IQCK: variants seen among roughly 807,000 people sequenced by gnomAD.
IQCK encodes the protein IQ domain-containing protein K.
IQCK carries 29 observed loss-of-function variants against 28.1 expected under a neutral mutation model. The observed-to-expected ratio is 1.03, with a 90% CI of 0.77 to 1.41. IQCK has a LOEUF of 1.41. IQCK is among the 40% of genes most tolerant of loss of function. IQCK has a pLI of 0.00. For missense variants in IQCK, 359 were observed against 314.7 expected (o/e 1.14, Z -1.07); for synonymous variants, 113 against 115.1 (o/e 0.98, Z 0.12).
chr16:19,727,651 G>A (rs1037576589), intron 1 of IQCK, among the ~76,000 whole-genome samples: 16 of 151,388 alleles, frequency 1.1e-4, no homozygotes, highest in African/African-American at 3.6e-4. Flanking sequence ...TTGTAGGGTT[G>A]CAATAGGATT....
At chr16:19,856,648 C>T in exon 10 of IQCK, 1 of 935,816 alleles carries the variant, frequency 1.1e-6, no homozygotes, top group Non-Finnish European at 1.7e-6. Context: ...TTTAACAAGA[C>T]TTGGAACATG....
chr16:19,760,021 C>G (rs1296380384), intron 4 of IQCK, among the ~76,000 whole-genome samples: 1 of 152,008 alleles, frequency 6.6e-6, no homozygotes, highest in Non-Finnish European at 1.5e-5. Flanking sequence ...CCCAGCTACT[C>G]AAGAGGCTGA....
chr16:19,789,429 A>C (rs1226291647), intron 7 of IQCK, among the ~76,000 whole-genome samples: 2 of 88,548 alleles, frequency 2.3e-5, no homozygotes, highest in African/African-American at 1.5e-4. Flanking sequence ...AAAAAAAAAA[A>C]AAAAAAACAC....
intron 9 of IQCK, among the ~76,000 whole-genome samples, chr16:19,838,562 G>T (rs923906574): frequency 6.6e-6 from 1 of 152,100 alleles, no homozygotes; most frequent in African/African-American, 2.4e-5. Flanking sequence ...GTCAAGCTGG[G>T]GCCCGGCCTA....
chr16:19,812,185 C>T (rs1461634902), intron 7 of IQCK, among the ~76,000 whole-genome samples: 1 of 152,114 alleles, frequency 6.6e-6, no homozygotes, highest in South Asian at 2.1e-4. Flanking sequence ...TGGAGTTTCA[C>T]CATGTTGGCC....
chr16:19,780,101 G>T lies in IQCK; in HGVS notation c.606-8737G>T, dbSNP rs143174581. Among the ~76,000 whole-genome samples, 710 of 151,130 alleles carry T rather than the reference G, an allele frequency of 4.7e-3. 5 individuals carry two copies. The highest frequency in any genetic ancestry group is 0.017 in the African/African-American group (693 of 40,980). On this transcript the variant is annotated intron_variant, in intron 6 of 7. Transcript: ENST00000564186. ...TCTGTCATCCAGCTGGAGTGCAGTG[G>T]TGCGCTCTCAGCTCACAGCAACTTC... is the stretch of plus-strand genomic sequence containing the variant.
At chr16:19,752,025 T>C (rs1433299718) in intron 4 of IQCK, among the ~76,000 whole-genome samples, 1 of 152,212 alleles carries the variant, frequency 6.6e-6, no homozygotes. Context: ...GACTGAAGTC[T>C]AGTTAAAAGG....
At chr16:19,822,072 A>C (rs569730597) in intron 7 of IQCK, among the ~76,000 whole-genome samples, 72 of 146,900 alleles carry the variant, frequency 4.9e-4, no homozygotes, top group Admixed American at 8.2e-4. Context: ...TGTCTCAAAA[A>C]AAAAAAAAAA....
Position 19,763,819 on chromosome 16 carries a change from T to C in IQCK, c.475-29T>C, listed in dbSNP as rs966280024. 7 of 1,562,422 alleles carry C rather than the reference T, an allele frequency of 4.5e-6. No homozygotes were observed. In the African/African-American group the frequency reaches 8.1e-5, roughly 18 times the overall value. On this transcript the variant is annotated intron_variant, in intron 4 of 7. Transcript: ENST00000564186. ...AAATCCATAGTGTTTAAGGGTCAGT[T>C]GTAATTTAATTATCTCTTCTCTCTT...
At chr16:19,858,334 G>C in exon 10 of IQCK, 1 of 443,446 alleles carries the variant, frequency 2.3e-6, no homozygotes. Context: ...GGGGGAAAAA[G>C]GTCTCATTAA....
rs1413687862 is a variant in IQCK, at chr16:19,825,720, T to C, written c.691-1306T>C. On this transcript the variant is annotated intron_variant, in intron 7 of 7. Transcript: ENST00000564186. This position sits in a 1 kb window ranked among gnomAD's most constrained non-coding sequence, Gnocchi z 4.2. Reference sequence around the variant, plus strand: ...CTTCAAACCATGCCTGGGAGATAAATGCTCAATAAATATGAGCTATAATAA... The same window carrying C: ...CTTCAAACCATGCCTGGGAGATAAACGCTCAATAAATATGAGCTATAATAA... Among the ~76,000 whole-genome samples the C allele has an allele frequency of 6.6e-6, 1 of 152,192 alleles. No homozygotes were observed. The highest frequency in any genetic ancestry group is 2.4e-5 in the African/African-American group (1 of 41,462).
At chr16:19,844,810 T>G (rs561865172) in intron 9 of IQCK, among the ~76,000 whole-genome samples, 2 of 152,176 alleles carry the variant, frequency 1.3e-5, no homozygotes, top group South Asian at 4.2e-4. Flanking sequence ...TTTTTTGTTT[T>G]GTTTTGTTTT....
intron 7 of IQCK, among the ~76,000 whole-genome samples, chr16:19,812,037 G>C (rs2055914135): frequency 6.8e-6 from 1 of 145,994 alleles, no homozygotes; most frequent in African/African-American, 2.6e-5. Flanking sequence ...GCCCAGACTA[G>C]AGTACAGTGG....
At chr16:19,727,593 C>G (rs971254637) in intron 1 of IQCK, among the ~76,000 whole-genome samples, 14 of 150,522 alleles carry the variant, frequency 9.3e-5, no homozygotes, top group East Asian at 7.8e-4. Flanking sequence ...TCACCCCCCC[C>G]CCCCAAAAAA....
chr16:19,751,033 C>CT (rs1271809761), intron 4 of IQCK, among the ~76,000 whole-genome samples: 2 of 152,114 alleles, frequency 1.3e-5, no homozygotes, highest in East Asian at 3.9e-4. Context: ...TCCTTCAGCT[C>CT]TGCTAGCTCT....
chr16:19,778,630 C>G (rs2055430952), intron 6 of IQCK, among the ~76,000 whole-genome samples: 1 of 151,658 alleles, frequency 6.6e-6, no homozygotes, highest in South Asian at 2.1e-4. Flanking sequence ...GCACTCCTGC[C>G]TGAGTAACAG....
intron 7 of IQCK, among the ~76,000 whole-genome samples, chr16:19,820,023 C>A (rs2056047571): frequency 6.6e-6 from 1 of 152,072 alleles, no homozygotes; most frequent in Admixed American, 6.6e-5. Context: ...GGCTCTGGGG[C>A]AACTTGATAT....
chr16:19,745,934 A>G (rs2054905197), intron 4 of IQCK, among the ~76,000 whole-genome samples: 2 of 152,184 alleles, frequency 1.3e-5, no homozygotes, highest in African/African-American at 4.8e-5. Flanking sequence ...GGTCTCCAGC[A>G]GCTTTCCAAG....
chr16:19,718,404 C>T (rs927717769), exon 1 of IQCK: 5 of 1,605,818 alleles, frequency 3.1e-6, no homozygotes, highest in South Asian at 1.1e-5. Flanking sequence ...CCCACCGTGT[C>T]TCTCGCGTCC....
Sources: allele counts gnomAD v4.1 joint callset (sites outside exome capture counted in the v4.1 genomes callset), GRCh38; gene constraint gnomAD v4.1.1; non-coding constraint Gnocchi (gnomAD v3.1); transcripts MANE v1.5; gene names NCBI Gene and HGNC (gene_info 2026-07-23, HGNC 2026-07-21).